FARS2: variants seen among roughly 807,000 people sequenced by gnomAD.
FARS2 encodes phenylalanine--tRNA ligase, mitochondrial.
A neutral mutation model predicts 46.4 loss-of-function variants in FARS2; 40 were observed. That is an observed-to-expected ratio of 0.86 (90% CI 0.67 to 1.12). FARS2 has a LOEUF of 1.12. Among genes scored for constraint, FARS2 ranks in the 50% most tolerant of loss-of-function variants. The pLI, the probability that FARS2 is intolerant of heterozygous loss-of-function variation, is 0.00. For missense variants in FARS2, 513 were observed against 567.9 expected, an observed-to-expected ratio of 0.90 and a Z score of 0.98; for synonymous variants, 234 against 214.9, an observed-to-expected ratio of 1.09 and a Z score of -0.78.
chr6:5,503,401 CACACAGAGAGAGAGAG>C (rs1388022377), intron 4 of FARS2, among the ~76,000 whole-genome samples: 28 of 106,404 alleles, frequency 2.6e-4, no homozygotes, highest in African/African-American at 1.1e-3. Flanking sequence ...CACACACACA[CACACAGAGAGAGAGAG>C]AGAGAGAGAG....
At chr6:5,279,548 AAAT>A (rs1466454021) in intron 1 of FARS2, among the ~76,000 whole-genome samples, 2 of 149,344 alleles carry the variant, frequency 1.3e-5, no homozygotes, top group Non-Finnish European at 3.0e-5. Flanking sequence ...AAAAAATAAA[AAAT>A]ATAAATGTGT....
intron 5 of FARS2, chr6:5,609,822 C>T: frequency 8.7e-7 from 1 of 1,156,004 alleles, no homozygotes. Context: ...TCAAAATAAT[C>T]TCTTCAAAAT....
At chr6:5,685,160 G>A (rs942038355) in intron 6 of FARS2, among the ~76,000 whole-genome samples, 1 of 152,110 alleles carries the variant, frequency 6.6e-6, no homozygotes, top group African/African-American at 2.4e-5. Flanking sequence ...AAAGGGGAGG[G>A]TTCCTATCAT....
At chr6:5,678,157 A>G (rs1778857937) in intron 6 of FARS2, among the ~76,000 whole-genome samples, 1 of 152,120 alleles carries the variant, frequency 6.6e-6, no homozygotes, top group Non-Finnish European at 1.5e-5. Flanking sequence ...GTTTGTCACA[A>G]TCTCTTTCTC....
chr6:5,290,235 G>T (rs1271803241), intron 1 of FARS2, among the ~76,000 whole-genome samples: 1 of 152,148 alleles, frequency 6.6e-6, no homozygotes, highest in Non-Finnish European at 1.5e-5. Flanking sequence ...TATGGCAAGT[G>T]ACTGTGTGTG....
intron 5 of FARS2, among the ~76,000 whole-genome samples, chr6:5,549,936 C>T (rs923084952): frequency 5.9e-5 from 9 of 152,182 alleles, no homozygotes; most frequent in African/African-American, 2.2e-4. Flanking sequence ...ATCTAAATAT[C>T]ATCAGCCCCT....
intron 5 of FARS2, among the ~76,000 whole-genome samples, chr6:5,559,905 G>T (rs1432819749): frequency 2.6e-5 from 4 of 152,062 alleles, no homozygotes; most frequent in Admixed American, 2.6e-4. Context: ...AGGCTTCTGT[G>T]TAAATGGAGC....
At chr6:5,655,276 T>C (rs1285894176) in intron 6 of FARS2, among the ~76,000 whole-genome samples, 10 of 152,226 alleles carry the variant, frequency 6.6e-5, no homozygotes, top group Admixed American at 6.5e-4. Context: ...AAACCTCTCT[T>C]TCCTTGGTGT....
chr6:5,487,544 C>T (rs1364878763), intron 4 of FARS2, among the ~76,000 whole-genome samples: 2 of 152,100 alleles, frequency 1.3e-5, no homozygotes, highest in Non-Finnish European at 2.9e-5. Flanking sequence ...CCCATGTTAC[C>T]CATTACAGAG....
chr6:5,386,512 G>T (rs1175983638), intron 2 of FARS2, among the ~76,000 whole-genome samples: 1 of 152,206 alleles, frequency 6.6e-6, no homozygotes, highest in Non-Finnish European at 1.5e-5. Context: ...GCAGGGTCAG[G>T]CAAGACTGGT....
intron 6 of FARS2, among the ~76,000 whole-genome samples, chr6:5,621,948 ATCTCT>A (rs1035836508): frequency 6.6e-6 from 1 of 152,150 alleles, no homozygotes; most frequent in African/African-American, 2.4e-5. Flanking sequence ...ACACATTAAC[ATCTCT>A]TCTCTTTCTA....
At chr6:5,307,458 G>A (rs1245075952) in intron 1 of FARS2, among the ~76,000 whole-genome samples, 2 of 152,068 alleles carry the variant, frequency 1.3e-5, no homozygotes, top group African/African-American at 2.4e-5. Flanking sequence ...ATTTTCATAA[G>A]GTCTATGAGG....
intron 6 of FARS2, among the ~76,000 whole-genome samples, chr6:5,748,684 A>G (rs191230297): frequency 3.3e-5 from 5 of 152,394 alleles, no homozygotes; most frequent in Non-Finnish European, 7.3e-5. Flanking sequence ...AGTCAGTGAC[A>G]GAGCCTGGAG....
At chr6:5,520,937 C>A (rs1769094947) in intron 4 of FARS2, among the ~76,000 whole-genome samples, 1 of 152,022 alleles carries the variant, frequency 6.6e-6, no homozygotes, top group Non-Finnish European at 1.5e-5. Context: ...TTGGATGCTA[C>A]CCCCAAAAGA....
intron 5 of FARS2, among the ~76,000 whole-genome samples, chr6:5,605,121 A>C (rs1412413787): frequency 6.6e-6 from 1 of 152,198 alleles, no homozygotes; most frequent in Non-Finnish European, 1.5e-5. Context: ...AAAATCTAAA[A>C]AGCGAAAATG....
chr6:5,264,009 T>A (rs533884065), intron 1 of FARS2, among the ~76,000 whole-genome samples: 2 of 152,240 alleles, frequency 1.3e-5, no homozygotes, highest in African/African-American at 4.8e-5. Flanking sequence ...CCCAGGAGTT[T>A]GAGACCAGCC....
At chr6:5,499,802 GT>G (rs1767683925) in intron 4 of FARS2, among the ~76,000 whole-genome samples, 1 of 152,108 alleles carries the variant, frequency 6.6e-6, no homozygotes, top group South Asian at 2.1e-4. Context: ...ATCATAAGTC[GT>G]TCTTTTACTT....
chr6:5,312,994 T>A (rs1769194152), intron 1 of FARS2, among the ~76,000 whole-genome samples: 1 of 151,918 alleles, frequency 6.6e-6, no homozygotes, highest in South Asian at 2.1e-4. Flanking sequence ...TGGCATCAAA[T>A]ACAAATTTGA....
At chr6:5,460,850 T>A (rs1386141381) in intron 4 of FARS2, among the ~76,000 whole-genome samples, 2 of 152,064 alleles carry the variant, frequency 1.3e-5, no homozygotes, top group Non-Finnish European at 2.9e-5. Flanking sequence ...AGGAACTCAG[T>A]TGTCAGGAAG....
Sources: allele counts gnomAD v4.1 joint callset (sites outside exome capture counted in the v4.1 genomes callset), GRCh38; gene constraint gnomAD v4.1.1; transcripts MANE v1.5; gene names NCBI Gene and HGNC (gene_info 2026-07-23, HGNC 2026-07-21).